The following FGF14 variants were observed in gnomAD, a reference collection of about 807,000 sequenced individuals.
FGF14 encodes the protein fibroblast growth factor homologous factor 4.
In FGF14, 5 loss-of-function variants were observed where a neutral mutation model predicts 25.5. The observed-to-expected ratio is 0.20, with a 90% CI of 0.10 to 0.41. The LOEUF (loss-of-function observed/expected upper bound fraction) is 0.41, where lower values mean the gene tolerates loss of function less well. Among genes scored for constraint, FGF14 ranks in the 10% least tolerant of loss-of-function variants. FGF14 has a pLI of 1.00. For missense variants in FGF14, 222 were observed against 320.1 expected, an observed-to-expected ratio of 0.69 and a Z score of 2.34; for synonymous variants, 138 against 118.3, an observed-to-expected ratio of 1.17 and a Z score of -1.08.
chr13:102,380,185 A>G (rs2058148607), intron 1 of FGF14, among the ~76,000 whole-genome samples: 1 of 150,858 alleles, frequency 6.6e-6, no homozygotes, highest in African/African-American at 2.5e-5. Flanking sequence ...CATTCCATGG[A>G]ACTGACATTA....
intron 1 of FGF14, among the ~76,000 whole-genome samples, chr13:102,180,136 C>T (rs560153272): frequency 6.6e-6 from 1 of 152,150 alleles, no homozygotes; most frequent in African/African-American, 2.4e-5. Context: ...ATAGACTGGC[C>T]AGTTAAATGT....
chr13:102,376,443 T>G (rs1374546112), intron 1 of FGF14, among the ~76,000 whole-genome samples: 1 of 152,314 alleles, frequency 6.6e-6, no homozygotes, highest in Middle Eastern at 3.4e-3. Flanking sequence ...AACCCTGTTC[T>G]GTGCTCTTTT....
At chr13:102,121,351 TCAC>T (rs1396095878) in intron 1 of FGF14, among the ~76,000 whole-genome samples, 1 of 152,140 alleles carries the variant, frequency 6.6e-6, no homozygotes, top group East Asian at 1.9e-4. Flanking sequence ...ACCATACTCT[TCAC>T]CATTTTTTAT....
intron 3 of FGF14, among the ~76,000 whole-genome samples, chr13:101,740,766 G>A (rs2036499406): frequency 6.6e-6 from 1 of 151,942 alleles, no homozygotes; most frequent in Non-Finnish European, 1.5e-5. Context: ...CCACAATGTT[G>A]CATGTTTAAG....
At chr13:102,257,149 C>CAA (rs907894595) in intron 1 of FGF14, among the ~76,000 whole-genome samples, 1 of 151,872 alleles carries the variant, frequency 6.6e-6, no homozygotes, top group African/African-American at 2.4e-5. Flanking sequence ...ACAATAGTAT[C>CAA]AGAGTATATA....
At chr13:102,111,213 C>T (rs1243769132) in intron 1 of FGF14, among the ~76,000 whole-genome samples, 1 of 152,200 alleles carries the variant, frequency 6.6e-6, no homozygotes, top group Non-Finnish European at 1.5e-5. Context: ...CGGAATATCC[C>T]CTTCCATTGG....
intron 3 of FGF14, among the ~76,000 whole-genome samples, chr13:101,730,642 A>G (rs1304438940): frequency 6.6e-6 from 1 of 152,244 alleles, no homozygotes; most frequent in African/African-American, 2.4e-5. Flanking sequence ...TGCTTTAGGA[A>G]AACAGATTGC....
intron 1 of FGF14, among the ~76,000 whole-genome samples, chr13:102,303,940 A>G (rs1352718328): frequency 6.6e-6 from 1 of 152,204 alleles, no homozygotes; most frequent in Non-Finnish European, 1.5e-5. Context: ...CAGCGATTTT[A>G]GACAATTAGT....
chr13:102,299,226 C>T (rs752322995), intron 1 of FGF14, among the ~76,000 whole-genome samples: 17 of 151,952 alleles, frequency 1.1e-4, no homozygotes, highest in Non-Finnish European at 2.4e-4. Context: ...TCACCGAAAA[C>T]GAAAAGCTTC....
chr13:102,306,875 C>T (rs1175490330), intron 1 of FGF14, among the ~76,000 whole-genome samples: 3 of 152,064 alleles, frequency 2.0e-5, no homozygotes, highest in Non-Finnish European at 4.4e-5. Context: ...CCTGCAAATA[C>T]GTCCACGTCC....
chr13:101,766,173 T>G (rs9518522), intron 3 of FGF14, among the ~76,000 whole-genome samples: 62,513 of 152,146 alleles, frequency 0.41, 14,451 homozygotes, highest in Non-Finnish European at 0.52. Context: ...ATGATATCAT[T>G]CAGGTGCAAG....
At chr13:101,858,113 T>C (rs985313528) in intron 3 of FGF14, among the ~76,000 whole-genome samples, 2 of 151,878 alleles carry the variant, frequency 1.3e-5, no homozygotes, top group African/African-American at 4.8e-5. Context: ...TGGAGCTGCA[T>C]TGAGGATACT....
intron 1 of FGF14, among the ~76,000 whole-genome samples, chr13:102,257,164 T>C (rs2052480914): frequency 6.6e-6 from 1 of 152,066 alleles, no homozygotes. Context: ...TATATAATGG[T>C]AGGTATACAC....
chr13:102,397,342 T>C (rs1443965963), intron 1 of FGF14, among the ~76,000 whole-genome samples: 3 of 152,000 alleles, frequency 2.0e-5, no homozygotes, highest in Non-Finnish European at 4.4e-5. Flanking sequence ...AAGTAGGAAA[T>C]AGAAAGTGAT....
intron 1 of FGF14, among the ~76,000 whole-genome samples, chr13:102,120,464 G>A (rs1308852881): frequency 1.3e-5 from 2 of 152,172 alleles, no homozygotes; most frequent in Non-Finnish European, 2.9e-5. Context: ...GGGACCCAGG[G>A]ACACAGGACA....
intron 1 of FGF14, among the ~76,000 whole-genome samples, chr13:102,203,356 A>G (rs1283592288): frequency 6.6e-6 from 1 of 152,196 alleles, no homozygotes; most frequent in African/African-American, 2.4e-5. Flanking sequence ...TATAATTTTT[A>G]TAAGAAAGAA....
intron 1 of FGF14, among the ~76,000 whole-genome samples, chr13:102,027,161 T>G (rs2040968917): frequency 6.6e-6 from 1 of 151,616 alleles, no homozygotes; most frequent in African/African-American, 2.4e-5. Context: ...TGGCAAACCA[T>G]CTCCCTAATT....
chr13:101,915,150 G>A lies in FGF14; in HGVS notation c.193+1303C>T, dbSNP rs570195410. ...TGATTTTCTTCCTATCTTTGCCTTTGAAGCTTGATAGTAAGAGCAAGTAAT... is the reference window on the plus strand; with the variant it reads ...TGATTTTCTTCCTATCTTTGCCTTTAAAGCTTGATAGTAAGAGCAAGTAAT... On this transcript the variant is annotated intron_variant, in intron 1 of 4. Transcript: ENST00000376143. Among the ~76,000 whole-genome samples the A allele has an allele frequency of 7.2e-5, 11 of 152,138 alleles. No individual in the cohort carries two copies. In the East Asian group the frequency reaches 2.1e-3, roughly 29 times the overall value.
chr13:102,290,749 G>A (rs886817100), intron 1 of FGF14, among the ~76,000 whole-genome samples: 1 of 152,124 alleles, frequency 6.6e-6, no homozygotes, highest in African/African-American at 2.4e-5. Context: ...TAGGTCCAGG[G>A]CTACTGTCAC....
Sources: allele counts gnomAD v4.1 joint callset (sites outside exome capture counted in the v4.1 genomes callset), GRCh38; gene constraint gnomAD v4.1.1; transcripts MANE v1.5; gene names NCBI Gene and HGNC (gene_info 2026-07-23, HGNC 2026-07-21).